GLI3: variants seen among roughly 807,000 people sequenced by gnomAD.
The protein encoded by GLI3 is transcription activator GLI3.
Under a neutral mutation model 100.8 loss-of-function variants are expected in GLI3, and 20 were observed. The ratio of observed to expected loss-of-function variants is 0.20; its 90% CI spans 0.14 to 0.29. GLI3 has a LOEUF of 0.29. GLI3 is among the 10% of genes least tolerant of loss of function. GLI3 has a pLI of 1.00. For synonymous variants in GLI3, 938 were observed against 860.5 expected, an observed-to-expected ratio of 1.09 and a Z score of -1.58; for missense variants, 2,040 against 2,128.5, an observed-to-expected ratio of 0.96 and a Z score of 0.82.
intron 3 of GLI3, among the ~76,000 whole-genome samples, chr7:42,085,545 T>C (rs1320744973): frequency 2.0e-5 from 3 of 152,144 alleles, no homozygotes; most frequent in African/African-American, 7.2e-5. Flanking sequence ...AATTTTATTA[T>C]CCACTCAAAA....
chr7:42,009,551 ATTGCAGTCCTGACGT>A (rs1414687608), intron 10 of GLI3, among the ~76,000 whole-genome samples: 24 of 147,458 alleles, frequency 1.6e-4, no homozygotes, highest in African/African-American at 5.6e-4. Context: ...TTTGTAAGGA[ATTGCAGTCCTGACGT>A]TGCCACTCAA....
chr7:41,989,579 T>C (rs1787927019), intron 10 of GLI3, among the ~76,000 whole-genome samples: 1 of 152,198 alleles, frequency 6.6e-6, no homozygotes, highest in Non-Finnish European at 1.5e-5. Flanking sequence ...CAATTGCATT[T>C]ATATCCAAGT....
chr7:42,231,648 A>T (rs1262784706), intron 1 of GLI3, among the ~76,000 whole-genome samples: 2 of 152,230 alleles, frequency 1.3e-5, no homozygotes, highest in Non-Finnish European at 2.9e-5. Flanking sequence ...CAGAGTCATT[A>T]AGGCTTCAAT....
intron 7 of GLI3, among the ~76,000 whole-genome samples, chr7:42,028,535 G>A (rs939284122): frequency 6.6e-5 from 10 of 152,076 alleles, no homozygotes; most frequent in African/African-American, 2.2e-4. Flanking sequence ...AGGTTGAGGC[G>A]GGTGGGTCAC....
chr7:42,132,278 T>C (rs928685469), intron 3 of GLI3, among the ~76,000 whole-genome samples: 2 of 114,556 alleles, frequency 1.7e-5, no homozygotes, highest in African/African-American at 4.5e-5. Context: ...TTTTTTGTAT[T>C]TTTAGTAGAG....
In GLI3 at chr7:42,229,528, T is replaced by C. The variant is rs1788653433; in HGVS notation, c.-42-6233A>G. Among the ~76,000 whole-genome samples, 3 of 152,330 alleles carry C rather than the reference T, an allele frequency of 2.0e-5. No individual in the cohort carries two copies. The South Asian group carries it at 6.2e-4, about 32-fold the overall frequency. On this transcript the variant is annotated intron_variant, in intron 1 of 14. Coordinates refer to ENST00000395925, the MANE Select transcript of GLI3 (RefSeq NM_000168.6). Reference sequence around the variant, plus strand: ...GCCTGTATTTTCATAAGCTGAATAATCTTGATTTGCTGTTTTAAATATCCA... The same window carrying C: ...GCCTGTATTTTCATAAGCTGAATAACCTTGATTTGCTGTTTTAAATATCCA...
intron 10 of GLI3, among the ~76,000 whole-genome samples, chr7:42,023,263 T>C (rs1394775071): frequency 2.6e-5 from 4 of 152,328 alleles, no homozygotes; most frequent in Admixed American, 1.3e-4. Flanking sequence ...GAAGACTTTA[T>C]TGAATTTTAC....
rs985355519 is a variant in GLI3, at chr7:41,972,224, G to A, written c.2103+113C>T. 1.3e-5 allele frequency: 13 copies of A among 1,003,222 alleles called. No homozygotes were observed. The Admixed American group carries it at 1.5e-4, about 12-fold the overall frequency. The allele number at this position is 1,003,222 out of a possible 1,614,324, so 62.1% of individuals were successfully genotyped here. On this transcript the variant is annotated intron_variant, in intron 13 of 14. Transcript: ENST00000395925. The surrounding 1 kb of genome is among the most constrained non-coding windows in gnomAD (Gnocchi z 4.4). Reference sequence around the variant, plus strand: ...GGTCACTGCCCTCATCGCCTCCTCAGATCAGAGACAGCCTGACACAGTGAG... The same window carrying A: ...GGTCACTGCCCTCATCGCCTCCTCAAATCAGAGACAGCCTGACACAGTGAG...
chr7:42,158,653 G>A (rs1216581476), intron 2 of GLI3, among the ~76,000 whole-genome samples: 1 of 151,966 alleles, frequency 6.6e-6, no homozygotes, highest in Admixed American at 6.6e-5. Context: ...ACTACACCCA[G>A]CTAATTTTTG....
rs1197894664 is a variant in GLI3 at position 41,963,197 on chromosome 7, T to G, written c.*1133A>C. 6.6e-6 allele frequency: 1 copy of G among 152,214 alleles called. No homozygotes were observed. Among genetic ancestry groups the G allele is most frequent in the African/African-American group, 2.4e-5 (1 of 41,442 alleles). 9.4% of individuals were successfully genotyped at this position (152,214 alleles called of 1,614,324 possible). Reference sequence around the variant, plus strand: ...TTATTCCCACTATGTGGGCTTTCTCTTTTACAACTAAGTTTTATAAATCCC... The same window carrying G: ...TTATTCCCACTATGTGGGCTTTCTCGTTTACAACTAAGTTTTATAAATCCC... On this transcript the variant is annotated 3_prime_UTR_variant, in exon 15 of 15. Coordinates refer to ENST00000395925, the MANE Select transcript of GLI3 (RefSeq NM_000168.6).
chr7:42,120,191 A>C (rs1024659882), intron 3 of GLI3, among the ~76,000 whole-genome samples: 1 of 152,226 alleles, frequency 6.6e-6, no homozygotes, highest in Admixed American at 6.5e-5. Flanking sequence ...TTCCATATGC[A>C]AGACATTTCT....
intron 4 of GLI3, among the ~76,000 whole-genome samples, chr7:42,074,892 A>G (rs1784848536): frequency 6.6e-6 from 1 of 152,226 alleles, no homozygotes; most frequent in African/African-American, 2.4e-5. Context: ...AGATGCTAGT[A>G]AAGTATCCAA....
intron 3 of GLI3, among the ~76,000 whole-genome samples, chr7:42,107,386 A>G (rs1319686369): frequency 2.0e-5 from 3 of 152,184 alleles, no homozygotes; most frequent in Non-Finnish European, 2.9e-5. Flanking sequence ...CAGGGTAGCT[A>G]AAAAGAAATG....
rs751382968 is a variant in GLI3, at chr7:41,966,129, C to T, written c.2944G>A (p.Gly982Arg). Residue 982 changes from glycine to arginine, a missense_variant, in exon 15 of 15, where the codon GGG becomes AGG. Around this residue, in one of 5 missense-constraint regions of GLI3, gnomAD observed 1,041 missense variants for 924.0 expected, o/e 1.13. Transcript: ENST00000395925. The surrounding 1 kb of genome is among the most constrained non-coding windows in gnomAD (Gnocchi z 5.8). ...PVHAPRRCSDGGAHGYGRRHL... is the reference protein window; with the variant it reads ...PVHAPRRCSDRGAHGYGRRHL... ...CGCCGCCCGTAGCCGTGGGCTCCCC[C>T]GTCGCTGCACCTCCTCGGGGCATGA... is the stretch of plus-strand genomic sequence containing the variant. The T allele has an allele frequency of 3.8e-6, 6 of 1,585,276 alleles. No homozygotes were observed. In the Admixed American group the frequency reaches 6.9e-5, roughly 18 times the overall value.
intron 3 of GLI3, among the ~76,000 whole-genome samples, chr7:42,089,231 G>A (rs1157824891): frequency 2.0e-5 from 3 of 152,186 alleles, no homozygotes. Context: ...CTCACACAAA[G>A]ATGACCCCAA....
intron 3 of GLI3, among the ~76,000 whole-genome samples, chr7:42,129,786 G>A (rs1364497190): frequency 6.6e-6 from 1 of 151,856 alleles, no homozygotes; most frequent in Non-Finnish European, 1.5e-5. Flanking sequence ...CTCCAGCCTG[G>A]GCGACAGACC....
chr7:42,093,446 G>A (rs1335196183), intron 3 of GLI3, among the ~76,000 whole-genome samples: 2 of 149,946 alleles, frequency 1.3e-5, no homozygotes, highest in African/African-American at 4.9e-5. Flanking sequence ...CACCACCACT[G>A]TCCCCCATAT....
chr7:42,048,782 A>G, intron 4 of GLI3, 86 bp from the exon 5 acceptor site: 1 of 893,746 alleles, frequency 1.1e-6, no homozygotes, highest in Non-Finnish European at 1.8e-6. Context: ...GAAAATAAGT[A>G]AGATTTTAAG....
At chr7:42,187,674 A>C (rs1389512257) in intron 2 of GLI3, among the ~76,000 whole-genome samples, 2 of 152,180 alleles carry the variant, frequency 1.3e-5, no homozygotes, top group African/African-American at 4.8e-5. Flanking sequence ...TACTGGATTA[A>C]GGTGAACCCT....
Sources: allele counts gnomAD v4.1 joint callset (sites outside exome capture counted in the v4.1 genomes callset), GRCh38; gene constraint gnomAD v4.1.1; regional missense constraint gnomAD v4.1.1; non-coding constraint Gnocchi (gnomAD v3.1); transcripts MANE v1.5; gene names NCBI Gene and HGNC (gene_info 2026-07-23, HGNC 2026-07-21).